MYCBP2: variants seen among roughly 807,000 people sequenced by gnomAD.
MYCBP2 encodes E3 ubiquitin-protein ligase MYCBP2.
In MYCBP2, 120 loss-of-function variants were observed where a neutral mutation model predicts 525.3. That is an observed-to-expected ratio of 0.23 (90% CI 0.20 to 0.27). The LOEUF (loss-of-function observed/expected upper bound fraction) is 0.27. Ranked by LOEUF, MYCBP2 falls within the 10% of genes least tolerant of loss-of-function variation. MYCBP2 has a pLI of 1.00. For missense variants in MYCBP2, 4,149 were observed against 5,657.1 expected (o/e 0.73, Z 8.55); for synonymous variants, 1,894 against 1,955.8 (o/e 0.97, Z 0.83).
intron 4 of MYCBP2, among the ~76,000 whole-genome samples, 174 bp downstream of exon 4, chr13:77,278,584 T>C (rs1347048292): frequency 6.6e-6 from 1 of 152,242 alleles, no homozygotes; most frequent in African/African-American, 2.4e-5. Context: ...TATAAAGTGA[T>C]GTTATGATTC....
At chr13:77,254,113 GA>G (rs1273261652) in intron 14 of MYCBP2, among the ~76,000 whole-genome samples, 3 of 150,076 alleles carry the variant, frequency 2.0e-5, no homozygotes, top group African/African-American at 2.4e-5. Flanking sequence ...AGAATGATGA[GA>G]AAAAAAAATT....
intron 68 of MYCBP2, among the ~76,000 whole-genome samples, chr13:77,071,309 A>ACACAC (rs755286964): frequency 6.0e-5 from 9 of 149,134 alleles, no homozygotes; most frequent in South Asian, 4.2e-4. Flanking sequence ...ACACACACAC[A>ACACAC]AATCTTATCT....
chr13:77,225,965 TAA>T (rs1296209311), intron 18 of MYCBP2, among the ~76,000 whole-genome samples: 1 of 152,198 alleles, frequency 6.6e-6, no homozygotes, highest in East Asian at 1.9e-4. Context: ...TAGCCATTTT[TAA>T]AAAATTGCTA....
chr13:77,152,636 C>T (rs541094221), intron 46 of MYCBP2, among the ~76,000 whole-genome samples: 9 of 152,260 alleles, frequency 5.9e-5, no homozygotes, highest in South Asian at 2.1e-4. Flanking sequence ...ATGAGACGCG[C>T]GGCTTAACCT....
At chr13:77,194,006 T>C (rs897263163) in intron 27 of MYCBP2, 147 bp downstream of exon 27, 9 of 483,758 alleles carry the variant, frequency 1.9e-5, no homozygotes, top group African/African-American at 3.9e-5. Context: ...GCAATACTTA[T>C]ATTGCTTAAT....
At chr13:77,051,228 G>T (rs959470530) in intron 81 of MYCBP2, 66 bp from the exon 82 acceptor site, 1 of 1,417,488 alleles carries the variant, frequency 7.1e-7, no homozygotes, top group Non-Finnish European at 9.6e-7. Context: ...ACTTAAGATA[G>T]GCATATACAT....
At chr13:77,076,717 G>A (rs1353728989) in intron 68 of MYCBP2, 34 bp downstream of exon 68, 1 of 1,290,694 alleles carries the variant, frequency 7.7e-7, no homozygotes, top group Admixed American at 2.0e-5. Flanking sequence ...GAATAAAAAA[G>A]GGAAATAAAT....
At chr13:77,151,371 C>T (rs1371388883) in intron 46 of MYCBP2, among the ~76,000 whole-genome samples, 1 of 152,136 alleles carries the variant, frequency 6.6e-6, no homozygotes, top group Non-Finnish European at 1.5e-5. Context: ...CTGCACTGTT[C>T]TACAGAAGAA....
At chr13:77,072,163 C>A (rs923868458) in intron 68 of MYCBP2, among the ~76,000 whole-genome samples, 5 of 151,660 alleles carry the variant, frequency 3.3e-5, no homozygotes, top group African/African-American at 1.2e-4. Context: ...TGGTGGCGGG[C>A]GCCTGTACTC....
chr13:77,181,257 T>TA (rs1271291383), intron 33 of MYCBP2, among the ~76,000 whole-genome samples: 1 of 152,196 alleles, frequency 6.6e-6, no homozygotes, highest in Non-Finnish European at 1.5e-5. Context: ...ATGTTTCCTA[T>TA]ACCTATTATT....
intron 52 of MYCBP2, among the ~76,000 whole-genome samples, chr13:77,137,323 TGTGA>T: frequency 6.6e-6 from 1 of 152,216 alleles, no homozygotes; most frequent in Non-Finnish European, 1.5e-5. Flanking sequence ...GCTTTATCTG[TGTGA>T]GTATCTTTCT....
chr13:77,257,917 T>C (rs888550418), intron 13 of MYCBP2, 88 bp from the exon 14 acceptor site: 63 of 1,060,728 alleles, frequency 5.9e-5, no homozygotes, highest in Middle Eastern at 4.3e-4. Context: ...AACCGTTTAT[T>C]TCTGGGGCAA....
Position 77,239,769 on chromosome 13 carries a change from C to G in MYCBP2, c.2629+3290G>C, listed in dbSNP as rs1954137021. Among the ~76,000 whole-genome samples, 3 of 152,058 alleles carry G rather than the reference C, an allele frequency of 2.0e-5. No individual in the cohort carries two copies. The South Asian group carries it at 6.2e-4, about 32-fold the overall frequency. ...TTGAGACCACCTTGAGAACCATGGC[C>G]AGAAAGTAATGAAAAGCACAGCACC... On this transcript the variant is annotated intron_variant, in intron 17 of 82. Transcript: ENST00000544440.
At chr13:77,161,803 C>T in intron 44 of MYCBP2, 103 bp downstream of exon 44, 1 of 825,328 alleles carries the variant, frequency 1.2e-6, no homozygotes, top group African/African-American at 1.7e-5. Context: ...AAGTGAAGTA[C>T]TTAATGAATG....
chr13:77,050,934 A>T, intron 82 of MYCBP2, 63 bp downstream of exon 82: 1 of 1,377,150 alleles, frequency 7.3e-7, no homozygotes, highest in Non-Finnish European at 1.0e-6. Flanking sequence ...GCTTTCATAT[A>T]ATGTTTACAT....
chr13:77,145,403 C>T (rs1050489430), intron 48 of MYCBP2, among the ~76,000 whole-genome samples: 3 of 152,116 alleles, frequency 2.0e-5, no homozygotes, highest in African/African-American at 4.8e-5. Flanking sequence ...TTCTGACTAC[C>T]GTTTAATTTA....
intron 59 of MYCBP2, chr13:77,090,540 A>C (rs182809723): frequency 8.7e-6 from 2 of 229,110 alleles, no homozygotes; most frequent in African/African-American, 4.5e-5. Flanking sequence ...TTTTAGAATC[A>C]AAAGCACTGG....
Position 77,081,296 on chromosome 13 carries a change from G to C in MYCBP2, c.11418+131C>G, listed in dbSNP as rs1594337203. 1 of 750,646 alleles carries C rather than the reference G, an allele frequency of 1.3e-6. No individual in the cohort carries two copies. The highest frequency in any genetic ancestry group is 2.5e-5 in the East Asian group (1 of 39,428). 46.5% of individuals were successfully genotyped at this position (750,646 alleles called of 1,614,324 possible). A position where few individuals can be genotyped will look rare whatever the true frequency, so the allele number is the denominator to read the frequency against. On this transcript the variant is annotated intron_variant, in intron 65 of 82. Transcript: ENST00000544440. This position sits in a 1 kb window ranked among gnomAD's most constrained non-coding sequence, Gnocchi z 4.6. ...TTTTTAGACTTAAGATTTATTTGGG[G>C]ATTATAGCAATGATGTTTGGTTGGT...
chr13:77,162,172 G>T lies in MYCBP2; in HGVS notation c.6548-217C>A, dbSNP rs560767401. 1.1e-4 allele frequency among the ~76,000 whole-genome samples: 17 copies of T among 152,210 alleles called. No homozygotes were observed. In the South Asian group the frequency reaches 3.5e-3, roughly 32 times the overall value. ...CTACAATTCTCAAGGCAATACTCAA[G>T]AAGCATCCATGGGTGATTTGCCAAA... On this transcript the variant is annotated intron_variant, in intron 43 of 82. Transcript: ENST00000544440.
Sources: gnomAD v4.1 joint callset for allele counts (sites outside exome capture counted in the v4.1 genomes callset) on GRCh38, gnomAD v4.1.1 for gene constraint, Gnocchi (gnomAD v3.1) non-coding constraint, MANE v1.5 for transcripts, NCBI Gene and HGNC (gene_info 2026-07-23, HGNC 2026-07-21) for gene names.